RBFOX3: variants seen among roughly 807,000 people sequenced by gnomAD.
RBFOX3 encodes the protein RNA binding protein fox-1 homolog 3.
In RBFOX3, 17 loss-of-function variants were observed where a neutral mutation model predicts 48.7. That is an observed-to-expected ratio of 0.35 (90% CI 0.24 to 0.52). The LOEUF is 0.52. Among genes scored for constraint, RBFOX3 ranks in the 20% least tolerant of loss-of-function variants. The pLI is 0.94. For synonymous variants in RBFOX3, 212 were observed against 209.5 expected (o/e 1.01, Z -0.10); for missense variants, 382 against 497.5 (o/e 0.77, Z 2.21).
intron 1 of RBFOX3, among the ~76,000 whole-genome samples, chr17:79,517,316 G>A (rs1390949600): frequency 2.6e-5 from 4 of 151,756 alleles, no homozygotes; most frequent in African/African-American, 9.7e-5. Flanking sequence ...ATGGTGGCAG[G>A]TGCCTATAAT....
At chr17:79,095,393 A>T in intron 13 of RBFOX3, 120 bp downstream of exon 13, 1 of 847,092 alleles carries the variant, frequency 1.2e-6, no homozygotes, top group Non-Finnish European at 1.8e-6. Flanking sequence ...TCCCGACCCT[A>T]CTCCCGCCAG....
intron 2 of RBFOX3, among the ~76,000 whole-genome samples, chr17:79,339,787 T>C (rs1203713916): frequency 1.3e-5 from 2 of 152,226 alleles, no homozygotes; most frequent in African/African-American, 4.8e-5. Flanking sequence ...CTCAAGTCCC[T>C]TCTCCTATTT....
chr17:79,090,716 G>A lies in RBFOX3; in HGVS notation c.*167C>T, dbSNP rs980410911. 13 of 847,086 alleles carry A rather than the reference G, an allele frequency of 1.5e-5. No homozygotes were observed. The highest frequency in any genetic ancestry group is 3.4e-4 in the Middle Eastern group (1 of 2,910). The allele number at this position is 847,086 out of a possible 1,614,324, so 52.5% of individuals were successfully genotyped here. A position where few individuals can be genotyped will look rare whatever the true frequency, so the allele number is the denominator to read the frequency against. ...GCCGGCGTGCTCCCTCGGTGCGGGC[G>A]TGTGGCCAGGACGCGGGACTTGGAC... On this transcript the variant is annotated 3_prime_UTR_variant, in exon 15 of 15. Coordinates refer to ENST00000693108, the MANE Select transcript of RBFOX3 (RefSeq NM_001350451.2).
chr17:79,319,493 G>A (rs569435397), intron 2 of RBFOX3, among the ~76,000 whole-genome samples: 8 of 152,136 alleles, frequency 5.3e-5, no homozygotes, highest in Admixed American at 4.6e-4. Flanking sequence ...AGAGCAGCCT[G>A]GGCAGATTGG....
intron 2 of RBFOX3, among the ~76,000 whole-genome samples, chr17:79,396,204 C>A (rs1282379335): frequency 6.6e-6 from 1 of 152,238 alleles, no homozygotes; most frequent in South Asian, 2.1e-4. Flanking sequence ...CCTGGACCTC[C>A]AGTGGAAGGA....
Position 79,301,312 on chromosome 17 carries a change from G to A in RBFOX3, c.-74+6412C>T, listed in dbSNP as rs539732451. Among the ~76,000 whole-genome samples the A allele has an allele frequency of 2.5e-4, 38 of 152,348 alleles. No individual in the cohort carries two copies. In the South Asian group the frequency reaches 3.1e-3, roughly 12 times the overall value. On this transcript the variant is annotated intron_variant, in intron 3 of 14. Transcript: ENST00000693108. ...CGAGTTGTCCATCTGGGCCACACCC[G>A]GACTTGGAACCCCACTGGGGTGAGC...
chr17:79,396,547 C>T (rs2062015660), intron 2 of RBFOX3, among the ~76,000 whole-genome samples: 2 of 152,032 alleles, frequency 1.3e-5, no homozygotes, highest in African/African-American at 4.8e-5. Flanking sequence ...ATTCTGACTC[C>T]CCCTGAGACC....
chr17:79,376,971 C>T (rs1280027089), intron 2 of RBFOX3, among the ~76,000 whole-genome samples: 1 of 152,178 alleles, frequency 6.6e-6, no homozygotes, highest in African/African-American at 2.4e-5. Flanking sequence ...GCCAGTACCT[C>T]CTGAGGACCA....
In RBFOX3 at chr17:79,473,258, T is replaced by C. The variant is rs905474323; in HGVS notation, c.-175+9196A>G. 6.6e-6 allele frequency among the ~76,000 whole-genome samples: 1 copy of C among 152,160 alleles called. No individual in the cohort carries two copies. The highest frequency in any genetic ancestry group is 2.1e-4 in the South Asian group (1 of 4,832). ...ATCCACAGACCTCACTTTGAGTAGC[T>C]GAGATATGGGTCATGTGAGACGTGT... is the stretch of plus-strand genomic sequence containing the variant. On this transcript the variant is annotated intron_variant, in intron 2 of 14. Coordinates refer to ENST00000693108, the MANE Select transcript of RBFOX3 (RefSeq NM_001350451.2). The surrounding 1 kb of genome is among the most constrained non-coding windows in gnomAD (Gnocchi z 4.2).
intron 2 of RBFOX3, among the ~76,000 whole-genome samples, chr17:79,475,375 G>C (rs1486081254): frequency 2.6e-5 from 4 of 152,130 alleles, no homozygotes; most frequent in African/African-American, 7.2e-5. Context: ...GCATCTCAGT[G>C]TCTGGGTGAG....
chr17:79,233,382 A>G (rs548981821), intron 4 of RBFOX3, among the ~76,000 whole-genome samples: 2 of 152,304 alleles, frequency 1.3e-5, no homozygotes, highest in South Asian at 4.1e-4. Flanking sequence ...GAGATTACAA[A>G]GAGGCACAAT....
chr17:79,341,977 G>C lies in RBFOX3; in HGVS notation c.-174-34153C>G, dbSNP rs182056895. Among the ~76,000 whole-genome samples the C allele has an allele frequency of 3.2e-4, 48 of 152,372 alleles. No homozygotes were observed. In the East Asian group the frequency reaches 8.7e-3, roughly 28 times the overall value. ...TTTTGGCTTTGGCCCCCAAGGCTGG[G>C]GCAAGAGGGTGTCCTCCATGGCTGG... On this transcript the variant is annotated intron_variant, in intron 2 of 14. Coordinates refer to ENST00000693108, the MANE Select transcript of RBFOX3 (RefSeq NM_001350451.2).
At chr17:79,163,343 A>G (rs2047354488) in intron 4 of RBFOX3, among the ~76,000 whole-genome samples, 1 of 152,130 alleles carries the variant, frequency 6.6e-6, no homozygotes, top group Admixed American at 6.5e-5. Flanking sequence ...TCAAGAGGGG[A>G]GGTGTGGACC....
intron 2 of RBFOX3, among the ~76,000 whole-genome samples, chr17:79,308,979 T>C (rs979905228): frequency 1.6e-4 from 24 of 151,496 alleles, no homozygotes; most frequent in Non-Finnish European, 1.8e-4. Context: ...GTTAGCTGAG[T>C]GTGGTGAGTC....
chr17:79,372,314 C>A (rs1262325589), intron 2 of RBFOX3, among the ~76,000 whole-genome samples: 1 of 125,026 alleles, frequency 8.0e-6, no homozygotes, highest in East Asian at 3.0e-4. Flanking sequence ...TAGACCCCCC[C>A]CTGTCAAATC....
intron 3 of RBFOX3, among the ~76,000 whole-genome samples, chr17:79,283,272 T>C (rs933211415): frequency 2.0e-5 from 3 of 148,486 alleles, no homozygotes; most frequent in Non-Finnish European, 3.0e-5. Flanking sequence ...TTTCTTTTTT[T>C]TTTTTTTTTT....
At chr17:79,151,921 TGGGAGGGGACCTACAGAGGGAGGCGC>T (rs879599502) in intron 4 of RBFOX3, among the ~76,000 whole-genome samples, 51,340 of 84,200 alleles carry the variant, frequency 0.61, 17,907 homozygotes, top group Non-Finnish European at 0.66. Context: ...GAGGCGAGGA[TGGGAGGGGACCTACAGAGGGAGGCGC>T]GGATGGGAGG....
At chr17:79,309,331 C>A (rs1265033290) in intron 2 of RBFOX3, among the ~76,000 whole-genome samples, 1 of 150,050 alleles carries the variant, frequency 6.7e-6, no homozygotes, top group African/African-American at 2.4e-5. Context: ...TCCACCTCTC[C>A]TGAGCCTTCC....
chr17:79,488,916 G>A (rs1010590249), intron 1 of RBFOX3, among the ~76,000 whole-genome samples: 24 of 152,300 alleles, frequency 1.6e-4, no homozygotes, highest in African/African-American at 5.1e-4. Flanking sequence ...AGCCATTTAG[G>A]GACATAGCAT....
Sources: gnomAD v4.1 joint callset for allele counts (sites outside exome capture counted in the v4.1 genomes callset) on GRCh38, gnomAD v4.1.1 for gene constraint, Gnocchi (gnomAD v3.1) non-coding constraint, MANE v1.5 for transcripts, NCBI Gene and HGNC (gene_info 2026-07-23, HGNC 2026-07-21) for gene names.